The following ATXN3 variants were observed in gnomAD, a reference collection of about 807,000 sequenced individuals.
ATXN3 encodes the protein ataxin 3.
In ATXN3, 28 loss-of-function variants were observed where a neutral mutation model predicts 58.2. The ratio of observed to expected loss-of-function variants is 0.48; its 90% CI spans 0.36 to 0.66. ATXN3 has a LOEUF of 0.66. ATXN3 is among the 30% of genes least tolerant of loss of function. The pLI is 0.00. For synonymous variants in ATXN3, 113 were observed against 138.5 expected, an observed-to-expected ratio of 0.82 and a Z score of 1.29; for missense variants, 321 against 422.1, an observed-to-expected ratio of 0.76 and a Z score of 2.10.
downstream of ATXN3, chr14:92,058,406 A>G (rs1482394535): frequency 2.0e-5 from 3 of 152,134 alleles, no homozygotes; most frequent in Non-Finnish European, 4.4e-5. Flanking sequence ...ATCATAGCTC[A>G]CTGCAGCCTC....
Position 92,070,983 on chromosome 14 carries a change from G to GA in ATXN3, c.942dup (p.Pro315SerfsTer3). The GA allele has an allele frequency of 6.9e-7, 1 of 1,448,154 alleles. No individual in the cohort carries two copies. The highest frequency in any genetic ancestry group is 1.3e-5 in the South Asian group (1 of 75,164). 89.7% of individuals were successfully genotyped at this position (1,448,154 alleles called of 1,614,324 possible). ...GAACTGGTGGCTGGCCTTTCACATG[G>GA]ATGTGAACTCTGTCCTGATAGGTCC... On this transcript the variant is annotated frameshift_variant, in exon 10 of 11. Transcript: ENST00000644486. LOFTEE classifies it high-confidence loss of function.
At chr14:92,078,963 A>G (rs530123411) in intron 9 of ATXN3, among the ~76,000 whole-genome samples, 1 of 152,092 alleles carries the variant, frequency 6.6e-6, no homozygotes, top group African/African-American at 2.4e-5. Flanking sequence ...AGGCAGGTGG[A>G]TCACTTGAGG....
chr14:92,062,790 CAGTT>C lies in ATXN3; in HGVS notation c.*1526_*1529del, dbSNP rs1321450668. 3.9e-5 allele frequency: 6 copies of C among 152,492 alleles called. No individual in the cohort carries two copies. Among genetic ancestry groups the C allele is most frequent in the South Asian group, 4.1e-4 (2 of 4,834 alleles). The allele number at this position is 152,492 out of a possible 1,614,324, so 9.4% of individuals were successfully genotyped here. A position where few individuals can be genotyped will look rare whatever the true frequency, so the allele number is the denominator to read the frequency against. Reference sequence around the variant, plus strand: ...TAAAAGATATTTTTTCTTCTCTTTTCAGTTAGTTAGCAATAAATCCTAGATCAAA... The same window carrying C: ...TAAAAGATATTTTTTCTTCTCTTTTCAGTTAGCAATAAATCCTAGATCAAA... On this transcript the variant is annotated 3_prime_UTR_variant, in exon 11 of 11. Coordinates refer to ENST00000644486, the MANE Select transcript of ATXN3 (RefSeq NM_004993.6).
chr14:92,082,210 C>T (rs2061595180), intron 8 of ATXN3, 90 bp downstream of exon 8: 4 of 1,415,756 alleles, frequency 2.8e-6, no homozygotes, highest in South Asian at 2.9e-5. Context: ...GTCAAAACAC[C>T]TCTAAGAGTA....
intron 9 of ATXN3, chr14:92,080,690 T>C (rs2061306151): frequency 7.8e-6 from 3 of 385,010 alleles, no homozygotes; most frequent in African/African-American, 4.2e-5. Flanking sequence ...CACGCTTCCA[T>C]GCCCAGCTGA....
chr14:92,071,734 T>C (rs1305420894), intron 9 of ATXN3: 1 of 164,480 alleles, frequency 6.1e-6, no homozygotes, highest in Admixed American at 5.8e-5. Flanking sequence ...GATAAAGCAT[T>C]TCAAACTACC....
intron 3 of ATXN3, among the ~76,000 whole-genome samples, chr14:92,094,794 T>C (rs944337977): frequency 6.6e-6 from 1 of 151,788 alleles, no homozygotes; most frequent in African/African-American, 2.4e-5. Flanking sequence ...AAGGCACAAA[T>C]AGGAAACGCC....
intron 10 of ATXN3, among the ~76,000 whole-genome samples, chr14:92,067,833 A>C (rs1000321907): frequency 2.0e-5 from 3 of 152,226 alleles, no homozygotes; most frequent in African/African-American, 7.2e-5. Flanking sequence ...ACCTCGCTAC[A>C]ACCAGAGGGG....
intron 1 of ATXN3, among the ~76,000 whole-genome samples, chr14:92,097,189 G>T (rs10137727): frequency 3.3e-5 from 5 of 151,510 alleles, no homozygotes; most frequent in Admixed American, 6.6e-5. Context: ...GATTACAGGC[G>T]TGAGCCACTG....
chr14:92,098,650 T>C lies in ATXN3; in HGVS notation c.25-1812A>G, dbSNP rs192852260. Among the ~76,000 whole-genome samples, 168 of 152,320 alleles carry C rather than the reference T, an allele frequency of 1.1e-3. 2 individuals are homozygous for C. Among genetic ancestry groups the C allele is most frequent in the Admixed American group, 0.011 (167 of 15,298 alleles). ...TGCTTGTTGATAGAACTTCAAATCTTAAGAATTAATACAGGTGAGAAAAAT... is the reference window on the plus strand; with the variant it reads ...TGCTTGTTGATAGAACTTCAAATCTCAAGAATTAATACAGGTGAGAAAAAT... On this transcript the variant is annotated intron_variant, in intron 1 of 10. Coordinates refer to ENST00000644486, the MANE Select transcript of ATXN3 (RefSeq NM_004993.6).
rs533360926 is a variant in ATXN3, at chr14:92,087,561, A to ATG, written c.475+1167_475+1168dup. Among the ~76,000 whole-genome samples the ATG allele has an allele frequency of 2.1e-3, 327 of 152,360 alleles. 4 individuals are homozygous for ATG. Among genetic ancestry groups the ATG allele is most frequent in the African/African-American group, 7.5e-3 (310 of 41,590 alleles). ...CACGTCCAGCTACTCTGGTACAGGA[A>ATG]TGGACAAGGCCAAGATGTGGTTTAA... On this transcript the variant is annotated intron_variant, in intron 6 of 10. Coordinates refer to ENST00000644486, the MANE Select transcript of ATXN3 (RefSeq NM_004993.6).
At chr14:92,095,952 A>T (rs971817514) in intron 3 of ATXN3, 141 bp downstream of exon 3, 61 of 708,050 alleles carry the variant, frequency 8.6e-5, no homozygotes, top group Non-Finnish European at 1.4e-4. Flanking sequence ...AAGAAAAAAA[A>T]AATCTAGTAC....
chr14:92,079,457 T>C, intron 9 of ATXN3: 1 of 982,444 alleles, frequency 1.0e-6, no homozygotes, highest in Non-Finnish European at 1.2e-6. Flanking sequence ...TTCATCTACT[T>C]CTGAGTTGTG....
At chr14:92,067,585 CAG>C (rs2058673921) in intron 10 of ATXN3, among the ~76,000 whole-genome samples, 1 of 152,182 alleles carries the variant, frequency 6.6e-6, no homozygotes, top group African/African-American at 2.4e-5. Flanking sequence ...TTAGTAGAGA[CAG>C]GGTTTCACCA....
At chr14:92,101,614 T>C (rs897119211) in intron 1 of ATXN3, among the ~76,000 whole-genome samples, 8 of 152,142 alleles carry the variant, frequency 5.3e-5, no homozygotes, top group African/African-American at 1.4e-4. Context: ...TTCCAGCACT[T>C]TGGGAGGCCA....
chr14:92,098,832 T>C (rs1305221088), intron 1 of ATXN3, among the ~76,000 whole-genome samples: 1 of 152,074 alleles, frequency 6.6e-6, no homozygotes, highest in Non-Finnish European at 1.5e-5. Flanking sequence ...GCACCCAAGC[T>C]CAGCTCCCAT....
At chr14:92,080,353 G>A (rs1333394888) in intron 9 of ATXN3, among the ~76,000 whole-genome samples, 1 of 152,120 alleles carries the variant, frequency 6.6e-6, no homozygotes, top group Non-Finnish European at 1.5e-5. Context: ...AATCAGGTAA[G>A]CAAGAAGTAC....
intron 5 of ATXN3, among the ~76,000 whole-genome samples, chr14:92,091,852 AT>A (rs5810573): frequency 7.4e-5 from 11 of 149,446 alleles, no homozygotes; most frequent in Admixed American, 6.7e-4. Flanking sequence ...CGCCTAGCCA[AT>A]TTTTTTTTCT....
At chr14:92,096,969 G>A (rs776252804) in intron 1 of ATXN3, 131 bp from the exon 2 acceptor site, 13 of 742,708 alleles carry the variant, frequency 1.8e-5, no homozygotes, top group South Asian at 6.4e-5. Flanking sequence ...GTGCAGTGGC[G>A]CTATCTTGGC....
Sources: gnomAD v4.1 joint callset for allele counts (sites outside exome capture counted in the v4.1 genomes callset) on GRCh38, gnomAD v4.1.1 for gene constraint, MANE v1.5 for transcripts, NCBI Gene and HGNC (gene_info 2026-07-23, HGNC 2026-07-21) for gene names.